The following SAMMSON variants were observed in gnomAD, a reference collection of about 807,000 sequenced individuals.
SAMMSON encodes the protein long intergenic non-protein coding RNA 1212.
chr3:70,347,795 C>G (rs1257579882), intron 7 of SAMMSON, among the ~76,000 whole-genome samples: 3 of 152,188 alleles, frequency 2.0e-5, no homozygotes, highest in African/African-American at 7.2e-5. Context: ...GTAATCCCAG[C>G]ACTTTGGGAG....
chr3:70,281,063 A>T (rs1468017464), intron 6 of SAMMSON, among the ~76,000 whole-genome samples: 1 of 152,192 alleles, frequency 6.6e-6, no homozygotes, highest in Non-Finnish European at 1.5e-5. Context: ...TCTCATGTAC[A>T]TGTTAATAAA....
intron 4 of SAMMSON, among the ~76,000 whole-genome samples, chr3:70,127,534 G>A (rs1296908482): frequency 2.6e-5 from 4 of 152,088 alleles, no homozygotes; most frequent in East Asian, 1.9e-4. Flanking sequence ...TCATGTCTTC[G>A]AAAAATTTAT....
chr3:70,246,323 A>C (rs1335808066), intron 4 of SAMMSON, among the ~76,000 whole-genome samples: 1 of 152,086 alleles, frequency 6.6e-6, no homozygotes, highest in Non-Finnish European at 1.5e-5. Context: ...GTTTGAACGT[A>C]AGCTGGAAAG....
In SAMMSON at chr3:70,001,012, T is replaced by C. The variant is rs1278001082; in HGVS notation, n.22+1145T>C. 3.9e-5 allele frequency among the ~76,000 whole-genome samples: 6 copies of C among 152,212 alleles called. No individual in the cohort carries two copies. The Middle Eastern group carries it at 0.014, about 348-fold the overall frequency. On this transcript the variant is annotated intron_variant and non_coding_transcript_variant, in intron 1 of 9. Coordinates refer to ENST00000642114, the Ensembl canonical transcript of SAMMSON. ...CACTGCAGGGACGGGGAGCTTCTCC[T>C]GCCGGAGCTGGTTTGTTCCACTGGA...
chr3:70,339,505 C>T (rs1702693526), intron 7 of SAMMSON, among the ~76,000 whole-genome samples: 1 of 152,164 alleles, frequency 6.6e-6, no homozygotes, highest in East Asian at 1.9e-4. Flanking sequence ...ATCTACCCAT[C>T]TGACAAAGGG....
At chr3:70,426,248 A>G (rs1441770297) in intron 2 of SAMMSON, among the ~76,000 whole-genome samples, 1 of 152,242 alleles carries the variant, frequency 6.6e-6, no homozygotes, top group East Asian at 1.9e-4. Context: ...TTTGTCTGAC[A>G]GTGAACAAAC....
At chr3:70,280,062 C>T (rs1255827874) in intron 6 of SAMMSON, among the ~76,000 whole-genome samples, 2 of 152,150 alleles carry the variant, frequency 1.3e-5, no homozygotes, top group East Asian at 1.9e-4. Context: ...ATCAAGGTGT[C>T]AGCAAGGCTG....
intron 3 of SAMMSON, among the ~76,000 whole-genome samples, chr3:70,054,783 C>T (rs542304302): frequency 3.7e-4 from 57 of 152,130 alleles, no homozygotes; most frequent in African/African-American, 1.2e-3. Flanking sequence ...AGAAAAAGTT[C>T]GGGACTAATC....
chr3:70,168,424 A>G lies in SAMMSON; in HGVS notation n.508-80683A>G, dbSNP rs144054145. Among the ~76,000 whole-genome samples the G allele has an allele frequency of 3.4e-3, 516 of 152,126 alleles. 1 individual carries two copies. Among genetic ancestry groups the G allele is most frequent in the African/African-American group, 0.012 (481 of 41,550 alleles). On this transcript the variant is annotated intron_variant and non_coding_transcript_variant, in intron 4 of 9. Transcript: ENST00000642114. Reference sequence around the variant, plus strand: ...ATCAGCACATGGAGCTTATGCCACCAGGAAGAGTCATGTGCTTATAAACTG... The same window carrying G: ...ATCAGCACATGGAGCTTATGCCACCGGGAAGAGTCATGTGCTTATAAACTG...
At chr3:70,015,747 TG>T (rs199511186) in intron 3 of SAMMSON, among the ~76,000 whole-genome samples, 5,749 of 152,144 alleles carry the variant, frequency 0.038, 327 homozygotes, top group African/African-American at 0.12. Flanking sequence ...CGGTGTGTGA[TG>T]TTCCCCTTCC....
chr3:70,207,226 T>G (rs1701299516), intron 4 of SAMMSON, among the ~76,000 whole-genome samples: 1 of 152,068 alleles, frequency 6.6e-6, no homozygotes, highest in African/African-American at 2.4e-5. Flanking sequence ...TTTATTACTT[T>G]GTTTTTACAA....
chr3:70,039,763 C>G (rs561438002), intron 3 of SAMMSON, among the ~76,000 whole-genome samples: 2 of 152,018 alleles, frequency 1.3e-5, no homozygotes, highest in South Asian at 4.2e-4. Context: ...CAGGTACAAG[C>G]TCTTAGAAGT....
intron 2 of SAMMSON, among the ~76,000 whole-genome samples, chr3:70,425,611 C>G (rs1397453615): frequency 6.6e-6 from 1 of 151,666 alleles, no homozygotes; most frequent in Non-Finnish European, 1.5e-5. Flanking sequence ...GACGGGGTTT[C>G]ACCATGTTAG....
intron 6 of SAMMSON, among the ~76,000 whole-genome samples, chr3:70,261,711 G>A (rs1284177746): frequency 6.6e-6 from 1 of 152,124 alleles, no homozygotes; most frequent in Non-Finnish European, 1.5e-5. Context: ...TGCAGATGTA[G>A]CAAAGCCAAA....
At chr3:70,315,176 A>G (rs571936178) in intron 7 of SAMMSON, among the ~76,000 whole-genome samples, 2 of 152,330 alleles carry the variant, frequency 1.3e-5, no homozygotes, top group South Asian at 2.1e-4. Flanking sequence ...TAATTTGGAC[A>G]TAATATTCAA....
chr3:70,293,045 CAAAAAAAAAAAAA>C (rs55990203), intron 7 of SAMMSON, among the ~76,000 whole-genome samples: 5 of 74,782 alleles, frequency 6.7e-5, no homozygotes, highest in East Asian at 3.2e-4. Flanking sequence ...TGGTTTGAAG[CAAAAAAAAAAAAA>C]AAAAAAAAAA....
chr3:70,204,241 C>T (rs1419048473), intron 4 of SAMMSON, among the ~76,000 whole-genome samples: 2 of 152,122 alleles, frequency 1.3e-5, no homozygotes, highest in East Asian at 3.9e-4. Context: ...ATTCTCTTTT[C>T]CCTTCTGTTT....
chr3:70,020,286 G>A (rs2067007191), intron 3 of SAMMSON, among the ~76,000 whole-genome samples: 1 of 152,054 alleles, frequency 6.6e-6, no homozygotes, highest in South Asian at 2.1e-4. Flanking sequence ...ACAATCAAGA[G>A]CTAAGAGATT....
At chr3:70,012,724 G>T (rs1258192451) in intron 2 of SAMMSON, 1 of 152,174 alleles carries the variant, frequency 6.6e-6, no homozygotes, top group East Asian at 1.9e-4. Flanking sequence ...ACATGACCCA[G>T]TGAAATCAGA....
Sources: gnomAD v4.1 joint callset for allele counts (sites outside exome capture counted in the v4.1 genomes callset) on GRCh38, gnomAD v4.1.1 for gene constraint, MANE v1.5 for transcripts, NCBI Gene and HGNC (gene_info 2026-07-23, HGNC 2026-07-21) for gene names.